Variants in ACOT7 observed in about 807,000 individuals in gnomAD.
The protein encoded by ACOT7 is cytosolic acyl coenzyme A thioester hydrolase.
ACOT7 carries 12 observed loss-of-function variants against 40.2 expected under a neutral mutation model. The observed-to-expected ratio is 0.30, with a 90% CI of 0.19 to 0.48. The LOEUF (loss-of-function observed/expected upper bound fraction) is 0.48. Among genes scored for constraint, ACOT7 ranks in the 20% least tolerant of loss-of-function variants. The pLI, the probability that ACOT7 is intolerant of heterozygous loss-of-function variation, is 0.99. For missense variants in ACOT7, 395 were observed against 530.8 expected, an observed-to-expected ratio of 0.74 and a Z score of 2.51; for synonymous variants, 228 against 219.5, an observed-to-expected ratio of 1.04 and a Z score of -0.34.
chr1:6,332,331 T>C (rs1030988528), intron 4 of ACOT7, among the ~76,000 whole-genome samples: 3 of 152,180 alleles, frequency 2.0e-5, no homozygotes, highest in African/African-American at 7.2e-5. Flanking sequence ...GCTGGTCACA[T>C]CTGTCCTTGG....
At chr1:6,340,026 T>C (rs965221957) in intron 2 of ACOT7, among the ~76,000 whole-genome samples, 5 of 147,296 alleles carry the variant, frequency 3.4e-5, no homozygotes, top group South Asian at 2.1e-4. Context: ...AGTGCAGTGG[T>C]GCGATCTCCC....
chr1:6,358,991 C>A lies in ACOT7; in HGVS notation c.144-9125G>T. ...CACCCCCCACCCCCAGCTTCCTGAGCTGCCCAATCTGGCCAGGAAGAGGCT... is the reference window on the plus strand; with the variant it reads ...CACCCCCCACCCCCAGCTTCCTGAGATGCCCAATCTGGCCAGGAAGAGGCT... On this transcript the variant is annotated intron_variant, in intron 1 of 8. Transcript: ENST00000361521. This position sits in a 1 kb window ranked among gnomAD's most constrained non-coding sequence, Gnocchi z 4.1. 1 of 1,389,402 alleles carries A rather than the reference C, an allele frequency of 7.2e-7. No homozygotes were observed. Among genetic ancestry groups the A allele is most frequent in the Non-Finnish European group, 9.6e-7 (1 of 1,044,202 alleles). The allele number at this position is 1,389,402 out of a possible 1,614,324, so 86.1% of individuals were successfully genotyped here.
chr1:6,337,095 C>A (rs987977857), intron 3 of ACOT7, among the ~76,000 whole-genome samples: 1 of 152,260 alleles, frequency 6.6e-6, no homozygotes, highest in East Asian at 1.9e-4. Context: ...GCGTATCCTG[C>A]CTTCTCCAAG....
At chr1:6,386,595 C>T (rs1642444753) in intron 1 of ACOT7, among the ~76,000 whole-genome samples, 1 of 152,156 alleles carries the variant, frequency 6.6e-6, no homozygotes, top group South Asian at 2.1e-4. Flanking sequence ...GTGACTCATG[C>T]CCACAATTCC....
chr1:6,317,718 CAG>C (rs1282003391), intron 6 of ACOT7, among the ~76,000 whole-genome samples: 16 of 150,832 alleles, frequency 1.1e-4, no homozygotes, highest in Non-Finnish European at 2.1e-4. Context: ...AAATGGGTGC[CAG>C]AGTCTTTCTT....
rs539495329 is a variant in ACOT7 at position 6,348,745 on chromosome 1, C to T, written c.261+1004G>A. Among the ~76,000 whole-genome samples, 47 of 152,342 alleles carry T rather than the reference C, an allele frequency of 3.1e-4. No individual in the cohort carries two copies. The South Asian group carries it at 9.5e-3, about 31-fold the overall frequency. On this transcript the variant is annotated intron_variant, in intron 2 of 8. Transcript: ENST00000361521. ...TTTCCATTGTTCACAAGCCAGCAGG[C>T]TGTGGTCTTAGTTCCGGCAGCCCAG...
chr1:6,372,553 G>GTT (rs1642150602), intron 1 of ACOT7, among the ~76,000 whole-genome samples: 1 of 134,080 alleles, frequency 7.5e-6, no homozygotes, highest in Non-Finnish European at 1.5e-5. Flanking sequence ...CTAACTTTTG[G>GTT]CTTTTTTTTT....
At chr1:6,389,073 C>A (rs1055033274) in intron 1 of ACOT7, among the ~76,000 whole-genome samples, 3 of 151,786 alleles carry the variant, frequency 2.0e-5, no homozygotes, top group African/African-American at 4.8e-5. Context: ...AAAGGTAGAG[C>A]CCCTCTTTGT....
chr1:6,354,378 A>G (rs762063834), intron 1 of ACOT7, among the ~76,000 whole-genome samples: 2 of 152,246 alleles, frequency 1.3e-5, no homozygotes, highest in Non-Finnish European at 2.9e-5. Flanking sequence ...TCGGGGCCCA[A>G]GGCCAGGAGT....
At chr1:6,332,454 TCCACAGGCTTCGC>T (rs1640981717) in intron 4 of ACOT7, among the ~76,000 whole-genome samples, 1 of 152,220 alleles carries the variant, frequency 6.6e-6, no homozygotes, top group Non-Finnish European at 1.5e-5. Context: ...ATGTGTGGCT[TCCACAGGCTTCGC>T]CCACAGGCCC....
chr1:6,338,209 G>C lies in ACOT7; in HGVS notation c.418+1224C>G, dbSNP rs1347136080. ...CAGGAAGGTCCTAGGAAGCAGGAGA[G>C]CGCGGCAGGCCATCCCTCCTCTCCA... On this transcript the variant is annotated intron_variant, in intron 3 of 8. Coordinates refer to ENST00000361521, the MANE Select transcript of ACOT7 (RefSeq NM_007274.4). This position sits in a 1 kb window ranked among gnomAD's most constrained non-coding sequence, Gnocchi z 4.4. Among the ~76,000 whole-genome samples, 1 of 152,140 alleles carries C rather than the reference G, an allele frequency of 6.6e-6. No individual in the cohort carries two copies. The highest frequency in any genetic ancestry group is 1.9e-4 in the East Asian group (1 of 5,184).
At chr1:6,295,141 C>T in intron 6 of ACOT7, 161 bp from the exon 7 acceptor site, 3 of 561,388 alleles carry the variant, frequency 5.3e-6, no homozygotes, top group Non-Finnish European at 9.6e-6. Flanking sequence ...TGCTGTGGCT[C>T]ACGCGCTACA....
Position 6,294,043 on chromosome 1 carries a change from G to A in ACOT7, c.829+821C>T, listed in dbSNP as rs1639744433. ...CCACTCTCGCTTCCCACGACAAGGG[G>A]CTGGTCTCAGCCAACAGCTCCTCCA... is the stretch of plus-strand genomic sequence containing the variant. On this transcript the variant is annotated intron_variant, in intron 7 of 8. Coordinates refer to ENST00000361521, the MANE Select transcript of ACOT7 (RefSeq NM_007274.4). The surrounding 1 kb of genome is among the most constrained non-coding windows in gnomAD (Gnocchi z 4.6). Among the ~76,000 whole-genome samples, 1 of 152,220 alleles carries A rather than the reference G, an allele frequency of 6.6e-6. No individual in the cohort carries two copies. Among genetic ancestry groups the A allele is most frequent in the Non-Finnish European group, 1.5e-5 (1 of 68,030 alleles).
At position 6,331,924 on chromosome 1, in the gene ACOT7, TC is replaced by T. The variant is rs1318188411; in HGVS notation, c.510+1552del. Among the ~76,000 whole-genome samples, 7 of 152,060 alleles carry T rather than the reference TC, an allele frequency of 4.6e-5. No homozygotes were observed. In the East Asian group the frequency reaches 1.2e-3, roughly 25 times the overall value. On this transcript the variant is annotated intron_variant, in intron 4 of 8. Coordinates refer to ENST00000361521, the MANE Select transcript of ACOT7 (RefSeq NM_007274.4). ...CAGGAAGCAGGTCTCAAGGAGCACC[TC>T]CCCAGTCTCACATGGGCAGTGGCAG...
chr1:6,282,570 G>A lies in ACOT7; in HGVS notation c.830-1284C>T, dbSNP rs908956055. 1.3e-5 allele frequency among the ~76,000 whole-genome samples: 2 copies of A among 152,170 alleles called. No individual in the cohort carries two copies. The highest frequency in any genetic ancestry group is 1.3e-4 in the Admixed American group (2 of 15,282). On this transcript the variant is annotated intron_variant, in intron 7 of 8. Transcript: ENST00000361521. The surrounding 1 kb of genome is among the most constrained non-coding windows in gnomAD (Gnocchi z 4.5). ...GAACCCCCAGTGTCCTAGCTGCACC[G>A]AGACCAGCCTCACAAGGCAGGTTTA... is the stretch of plus-strand genomic sequence containing the variant.
intron 1 of ACOT7, among the ~76,000 whole-genome samples, chr1:6,351,440 C>T (rs1348059082): frequency 6.6e-6 from 1 of 152,202 alleles, no homozygotes; most frequent in Non-Finnish European, 1.5e-5. Flanking sequence ...GGTTTTTGGG[C>T]TTTTTTTGTC....
chr1:6,280,954 T>G, intron 8 of ACOT7, 148 bp downstream of exon 8: 1 of 1,122,034 alleles, frequency 8.9e-7, no homozygotes, highest in Non-Finnish European at 1.3e-6. Context: ...AGGTCACCGG[T>G]CACGGCAGTG....
rs1303939542 is a variant in ACOT7 at position 6,288,770 on chromosome 1, CACG to C, written c.829+6091_829+6093del. Among the ~76,000 whole-genome samples, 15 of 152,334 alleles carry C rather than the reference CACG, an allele frequency of 9.8e-5. 1 individual carries two copies. The highest frequency in any genetic ancestry group is 4.1e-4 in the South Asian group (2 of 4,832). On this transcript the variant is annotated intron_variant, in intron 7 of 8. Transcript: ENST00000361521. The surrounding 1 kb of genome is among the most constrained non-coding windows in gnomAD (Gnocchi z 4.3). ...GGCCGCGGGTGAGGCCTCTCCCAGC[CACG>C]ACAAGTGCCCCAAGTTCGTAAGTTC...
intron 1 of ACOT7, among the ~76,000 whole-genome samples, chr1:6,377,906 TA>T (rs1359600072): frequency 6.6e-6 from 1 of 151,956 alleles, no homozygotes; most frequent in South Asian, 2.1e-4. Flanking sequence ...CCGTCTCTAC[TA>T]AAAATACAAA....
Sources: gnomAD v4.1 joint callset for allele counts (sites outside exome capture counted in the v4.1 genomes callset) on GRCh38, gnomAD v4.1.1 for gene constraint, Gnocchi (gnomAD v3.1) non-coding constraint, MANE v1.5 for transcripts, NCBI Gene and HGNC (gene_info 2026-07-23, HGNC 2026-07-21) for gene names.